Variants in NAALADL2 observed in about 807,000 individuals in gnomAD.
NAALADL2 encodes the protein inactive N-acetylated-alpha-linked acidic dipeptidase-like protein 2.
NAALADL2 carries 76 observed loss-of-function variants against 87.2 expected under a neutral mutation model. The observed-to-expected ratio is 0.87, with a 90% confidence interval of 0.72 to 1.05. The LOEUF (loss-of-function observed/expected upper bound fraction) is 1.05. Among genes scored for constraint, NAALADL2 ranks in the 50% least tolerant of loss-of-function variants. NAALADL2 has a pLI of 0.00. For synonymous variants in NAALADL2, 354 were observed against 331.0 expected, an observed-to-expected ratio of 1.07 and a Z score of -0.75; for missense variants, 1,089 against 945.8, an observed-to-expected ratio of 1.15 and a Z score of -1.99.
chr3:175,102,425 A>C (rs927575466), intron 2 of NAALADL2, among the ~76,000 whole-genome samples: 27 of 152,148 alleles, frequency 1.8e-4, no homozygotes, highest in African/African-American at 6.3e-4. Flanking sequence ...GACCACGTGC[A>C]TTTCATTTTT....
intron 2 of NAALADL2, among the ~76,000 whole-genome samples, chr3:174,621,916 T>C (rs577524080): frequency 6.6e-6 from 1 of 152,306 alleles, no homozygotes; most frequent in South Asian, 2.1e-4. Flanking sequence ...GGTGGTTTCA[T>C]AATTTCATTA....
chr3:175,185,955 A>G (rs1024807659), intron 2 of NAALADL2, among the ~76,000 whole-genome samples: 1 of 151,976 alleles, frequency 6.6e-6, no homozygotes. Context: ...TTAACATTCT[A>G]CATTATATTT....
intron 1 of NAALADL2, among the ~76,000 whole-genome samples, chr3:174,909,317 C>A (rs908707417): frequency 6.6e-6 from 1 of 152,008 alleles, no homozygotes; most frequent in Non-Finnish European, 1.5e-5. Context: ...TTGCTTGAAT[C>A]CCGGGAGACA....
At chr3:174,607,931 G>A (rs1719308362) in intron 2 of NAALADL2, among the ~76,000 whole-genome samples, 1 of 151,910 alleles carries the variant, frequency 6.6e-6, no homozygotes, top group Admixed American at 6.6e-5. Context: ...GCTCTCCTCA[G>A]CAAATGTAAA....
chr3:175,302,081 T>G (rs1757155144), intron 4 of NAALADL2, among the ~76,000 whole-genome samples: 1 of 152,160 alleles, frequency 6.6e-6, no homozygotes, highest in African/African-American at 2.4e-5. Flanking sequence ...GGGAAAGAAA[T>G]AATTTCTCAT....
rs558715348 is a variant in NAALADL2, at chr3:175,056,462, G to A, written c.44-40328G>A. Among the ~76,000 whole-genome samples, 47 of 152,148 alleles carry A rather than the reference G, an allele frequency of 3.1e-4. 1 individual carries two copies. The South Asian group carries it at 4.4e-3, about 14-fold the overall frequency. ...TTCCACATTCTCCAACCATCTCTCC[G>A]GTGACCCTTCAACCTGGATTCGAGC... On this transcript the variant is annotated intron_variant, in intron 1 of 13. Transcript: ENST00000454872.
chr3:175,435,767 C>G (rs1050091983), intron 5 of NAALADL2, among the ~76,000 whole-genome samples: 10 of 151,624 alleles, frequency 6.6e-5, no homozygotes, highest in African/African-American at 2.2e-4. Context: ...GAGCCTGTTT[C>G]CTACTGATGA....
At chr3:175,114,990 G>C (rs1245795903) in intron 2 of NAALADL2, among the ~76,000 whole-genome samples, 1 of 151,448 alleles carries the variant, frequency 6.6e-6, no homozygotes, top group Non-Finnish European at 1.5e-5. Context: ...GATATGTATG[G>C]TAAACTAAAA....
chr3:175,639,731 A>G (rs1729045010), intron 11 of NAALADL2, among the ~76,000 whole-genome samples: 1 of 152,178 alleles, frequency 6.6e-6, no homozygotes, highest in Admixed American at 6.5e-5. Flanking sequence ...CTTACTGGAT[A>G]TGTTTAAAGT....
At chr3:174,526,330 C>G (rs1026287794) in intron 1 of NAALADL2, among the ~76,000 whole-genome samples, 2 of 152,164 alleles carry the variant, frequency 1.3e-5, no homozygotes, top group African/African-American at 4.8e-5. Context: ...CACCAGCTTT[C>G]GAATTCTAGC....
At chr3:174,491,477 A>G (rs138888394) in intron 1 of NAALADL2, among the ~76,000 whole-genome samples, 103 of 152,258 alleles carry the variant, frequency 6.8e-4, no homozygotes, top group Non-Finnish European at 1.2e-3. Context: ...CTCTGTGAAT[A>G]ATTTATCTTT....
intron 11 of NAALADL2, among the ~76,000 whole-genome samples, chr3:175,727,808 C>T (rs1743133561): frequency 6.6e-6 from 1 of 152,024 alleles, no homozygotes; most frequent in Non-Finnish European, 1.5e-5. Flanking sequence ...AGCATTCCAC[C>T]AAAATTTTTC....
At chr3:174,677,399 C>T (rs752167640) in intron 2 of NAALADL2, among the ~76,000 whole-genome samples, 3 of 151,914 alleles carry the variant, frequency 2.0e-5, no homozygotes, top group African/African-American at 2.4e-5. Flanking sequence ...TGCGAATATA[C>T]GATTATTGAG....
intron 13 of NAALADL2, among the ~76,000 whole-genome samples, chr3:175,783,811 C>T (rs1177039003): frequency 4.7e-5 from 7 of 149,412 alleles, no homozygotes; most frequent in African/African-American, 1.8e-4. Context: ...CCAGTTTTTG[C>T]CCATTCAGTA....
intron 2 of NAALADL2, among the ~76,000 whole-genome samples, chr3:174,704,430 G>T (rs1393669684): frequency 6.6e-6 from 1 of 152,018 alleles, no homozygotes; most frequent in African/African-American, 2.4e-5. Context: ...TTTAATATTT[G>T]ATAGTAATGT....
At chr3:174,985,043 T>A (rs1320401592) in intron 1 of NAALADL2, among the ~76,000 whole-genome samples, 1 of 152,182 alleles carries the variant, frequency 6.6e-6, no homozygotes, top group African/African-American at 2.4e-5. Context: ...TTTTGAGAAA[T>A]CTAACTCACC....
chr3:174,712,448 C>T (rs1013113062), intron 2 of NAALADL2, among the ~76,000 whole-genome samples: 1 of 121,120 alleles, frequency 8.3e-6, no homozygotes. Flanking sequence ...AGTGCAATGG[C>T]GTGATCTTGG....
At chr3:174,818,650 C>A (rs1017373866) in intron 3 of NAALADL2, among the ~76,000 whole-genome samples, 1 of 152,112 alleles carries the variant, frequency 6.6e-6, no homozygotes, top group Non-Finnish European at 1.5e-5. Context: ...CCCTAAGAAG[C>A]CCTGGTGAGA....
At chr3:175,144,744 C>T (rs1730514952) in intron 2 of NAALADL2, among the ~76,000 whole-genome samples, 1 of 151,842 alleles carries the variant, frequency 6.6e-6, no homozygotes, top group Non-Finnish European at 1.5e-5. Context: ...TCCTCCTGTG[C>T]CAGTTCTTGT....
Sources: allele counts gnomAD v4.1 joint callset (sites outside exome capture counted in the v4.1 genomes callset), GRCh38; gene constraint gnomAD v4.1.1; transcripts MANE v1.5; gene names NCBI Gene and HGNC (gene_info 2026-07-23, HGNC 2026-07-21).